The following HYCC1 variants were observed in gnomAD, a reference collection of about 807,000 sequenced individuals.
The protein encoded by HYCC1 is hyccin PI4KA lipid kinase complex subunit 1.
At chr7:22,980,337 G>A in the HYCC1 span, among the ~76,000 whole-genome samples, 2 of 151,552 alleles carry the variant, frequency 1.3e-5, no homozygotes, top group Admixed American at 1.3e-4. Context: ...ATTATTAAGA[G>A]AGACTGTACC....
the HYCC1 span, among the ~76,000 whole-genome samples, chr7:22,921,189 T>C: frequency 3.3e-5 from 5 of 152,242 alleles, no homozygotes; most frequent in Non-Finnish European, 5.9e-5. Context: ...AAAGCAAGTA[T>C]ATAAAACTAC....
the HYCC1 span, among the ~76,000 whole-genome samples, chr7:22,961,072 T>C: frequency 6.6e-6 from 1 of 152,146 alleles, no homozygotes; most frequent in East Asian, 1.9e-4. Context: ...TAAAAAAAAA[T>C]TATTTGTTAC....
At chr7:22,977,602 A>G in the HYCC1 span, among the ~76,000 whole-genome samples, 1 of 152,224 alleles carries the variant, frequency 6.6e-6, no homozygotes, top group African/African-American at 2.4e-5. Flanking sequence ...TAAACTGTAC[A>G]TCCTTCCACT....
At chr7:22,961,107 G>A in the HYCC1 span, 31 of 625,554 alleles carry the variant, frequency 5.0e-5, no homozygotes, top group East Asian at 7.3e-4. Flanking sequence ...AAACTTCCAT[G>A]TATAACAAGA....
chr7:22,918,317 C>T, the HYCC1 span, among the ~76,000 whole-genome samples: 1 of 152,148 alleles, frequency 6.6e-6, no homozygotes, highest in Non-Finnish European at 1.5e-5. Context: ...CATCACTAAT[C>T]ATGCTGTATG....
the HYCC1 span, among the ~76,000 whole-genome samples, chr7:23,002,066 T>C: frequency 6.7e-6 from 1 of 149,204 alleles, no homozygotes; most frequent in Admixed American, 6.7e-5. Flanking sequence ...ACTATAAAAA[T>C]TGACTGAACA....
At chr7:22,953,901 A>T in the HYCC1 span, among the ~76,000 whole-genome samples, 1 of 151,936 alleles carries the variant, frequency 6.6e-6, no homozygotes, top group East Asian at 1.9e-4. Flanking sequence ...AAACTGCCAG[A>T]TAATTTTTTA....
the HYCC1 span, chr7:22,936,919 T>C: frequency 2.0e-5 from 3 of 152,228 alleles, no homozygotes; most frequent in South Asian, 6.2e-4. Context: ...CGAGTATTCA[T>C]GGGTTTGCTT....
At chr7:22,977,068 C>T in the HYCC1 span, among the ~76,000 whole-genome samples, 3 of 150,918 alleles carry the variant, frequency 2.0e-5, no homozygotes, top group Admixed American at 6.6e-5. Context: ...CCCTGCCCGC[C>T]GGCCAACACA....
chr7:22,959,422 A>C, the HYCC1 span, among the ~76,000 whole-genome samples: 1 of 152,174 alleles, frequency 6.6e-6, no homozygotes, highest in African/African-American at 2.4e-5. Flanking sequence ...CTCAGTTTAC[A>C]GGAAGAAGAA....
At chr7:22,939,110 C>T in the HYCC1 span, 1 of 152,182 alleles carries the variant, frequency 6.6e-6, no homozygotes, top group East Asian at 1.9e-4. Context: ...TTATATTCCA[C>T]TATATGTACG....
the HYCC1 span, among the ~76,000 whole-genome samples, chr7:23,010,712 C>T: frequency 1.3e-5 from 2 of 151,988 alleles, no homozygotes; most frequent in Non-Finnish European, 1.5e-5. Context: ...GGTTCAACAC[C>T]CCCCCACACC....
the HYCC1 span, chr7:22,978,364 G>T: frequency 6.2e-7 from 1 of 1,613,962 alleles, no homozygotes; most frequent in East Asian, 2.2e-5. Context: ...ATTAGTTCTG[G>T]GAGAAATTGC....
chr7:22,897,652 G>A, the HYCC1 span, among the ~76,000 whole-genome samples: 1 of 152,164 alleles, frequency 6.6e-6, no homozygotes, highest in Non-Finnish European at 1.5e-5. Flanking sequence ...TTGAGGCAAG[G>A]TCTTGCTCTG....
At chr7:22,947,149 C>G in the HYCC1 span, 1 of 1,550,380 alleles carries the variant, frequency 6.5e-7, no homozygotes, top group Non-Finnish European at 8.7e-7. Context: ...CTGCCTTTTT[C>G]CCCATTCCCG....
chr7:22,984,767 T>C, the HYCC1 span, among the ~76,000 whole-genome samples: 699 of 152,312 alleles, frequency 4.6e-3, 3 homozygotes, highest in Non-Finnish European at 8.1e-3. Context: ...ATGAGAAGGC[T>C]GTTCTACTTA....
the HYCC1 span, among the ~76,000 whole-genome samples, chr7:22,914,483 C>T: frequency 6.6e-6 from 1 of 151,784 alleles, no homozygotes; most frequent in Non-Finnish European, 1.5e-5. Flanking sequence ...TTTTTTTCTG[C>T]AACACCACTT....
At chr7:22,971,879 C>A in the HYCC1 span, among the ~76,000 whole-genome samples, 1 of 152,028 alleles carries the variant, frequency 6.6e-6, no homozygotes, top group African/African-American at 2.4e-5. Context: ...AGATCACACA[C>A]AAAAATCATG....
the HYCC1 span, among the ~76,000 whole-genome samples, chr7:22,968,899 T>C: frequency 6.6e-6 from 1 of 151,958 alleles, no homozygotes; most frequent in African/African-American, 2.4e-5. Flanking sequence ...GGCAGGAGAA[T>C]CGCTTGAACC....
Sources: allele counts gnomAD v4.1 joint callset (sites outside exome capture counted in the v4.1 genomes callset), GRCh38; gene constraint gnomAD v4.1.1; transcripts MANE v1.5; gene names NCBI Gene and HGNC (gene_info 2026-07-23, HGNC 2026-07-21).